The following ARPP21 variants were observed in gnomAD, a reference collection of about 807,000 sequenced individuals.
The protein encoded by ARPP21 is cAMP regulated phosphoprotein 21.
In ARPP21, 69 loss-of-function variants were observed where a neutral mutation model predicts 113.2. The observed-to-expected ratio is 0.61, with a 90% CI of 0.50 to 0.74. The LOEUF is 0.74. Among genes scored for constraint, ARPP21 ranks in the 30% least tolerant of loss-of-function variants. The pLI, the probability that ARPP21 is intolerant of heterozygous loss-of-function variation, is 0.00. For synonymous variants in ARPP21, 368 were observed against 375.5 expected, an observed-to-expected ratio of 0.98 and a Z score of 0.23; for missense variants, 1,070 against 1,037.4, an observed-to-expected ratio of 1.03 and a Z score of -0.43.
At chr3:35,717,409 A>T (rs766488930) in intron 13 of ARPP21, 52 bp downstream of exon 13, 3 of 1,084,494 alleles carry the variant, frequency 2.8e-6, no homozygotes, top group Middle Eastern at 2.0e-4. Context: ...TATGTGGTAG[A>T]ATCAATGTTA....
At chr3:35,699,143 G>T (rs1384225367) in intron 9 of ARPP21, among the ~76,000 whole-genome samples, 2 of 151,576 alleles carry the variant, frequency 1.3e-5, no homozygotes, top group Non-Finnish European at 3.0e-5. Flanking sequence ...GTCTGTGTGT[G>T]TAAATACATA....
At chr3:35,731,747 C>T (rs1376773016) in intron 15 of ARPP21, among the ~76,000 whole-genome samples, 1 of 152,002 alleles carries the variant, frequency 6.6e-6, no homozygotes, top group Non-Finnish European at 1.5e-5. Context: ...GGCTGGAACT[C>T]ATCTTTTTCT....
At chr3:35,666,155 C>T (rs1031000579) in intron 1 of ARPP21, among the ~76,000 whole-genome samples, 64 of 152,014 alleles carry the variant, frequency 4.2e-4, no homozygotes, top group Non-Finnish European at 2.4e-4. Context: ...CCGATGTTGT[C>T]ACTTATACAC....
intron 10 of ARPP21, 135 bp downstream of exon 10, chr3:35,707,217 A>G (rs528596182): frequency 1.6e-5 from 11 of 675,630 alleles, no homozygotes; most frequent in African/African-American, 9.1e-5. Context: ...CCTATCTCCA[A>G]CCTCCTTCTC....
intron 19 of ARPP21, among the ~76,000 whole-genome samples, chr3:35,760,934 G>A (rs1051125473): frequency 2.0e-5 from 3 of 152,050 alleles, no homozygotes; most frequent in East Asian, 1.9e-4. Flanking sequence ...CTCAGTTTTT[G>A]TGGGAAGAGT....
intron 19 of ARPP21, among the ~76,000 whole-genome samples, chr3:35,748,423 G>A (rs1051203105): frequency 1.2e-4 from 17 of 137,340 alleles, no homozygotes; most frequent in Non-Finnish European, 1.7e-4. Flanking sequence ...AGAAAGAAAA[G>A]AGAAAGAAAG....
At chr3:35,723,003 T>A (rs2093237502) in intron 14 of ARPP21, among the ~76,000 whole-genome samples, 1 of 152,200 alleles carries the variant, frequency 6.6e-6, no homozygotes, top group Non-Finnish European at 1.5e-5. Flanking sequence ...AAAATCAAAT[T>A]CCCTGACACT....
In ARPP21 at chr3:35,738,270, T is replaced by A. The variant is rs1253571771; in HGVS notation, c.1701T>A (p.Phe567Leu). 1 of 1,536,260 alleles carries A rather than the reference T, an allele frequency of 6.5e-7. No individual in the cohort carries two copies. The highest frequency in any genetic ancestry group is 2.4e-5 in the East Asian group (1 of 40,888). ...CAGTGCAATATCCAGCAGTCTCTTT[T>A]CCTCCCCAGCACCTCCTACCTGTGT... ...SQSVQYPAVS[F>L]PPQHLLPVSP... Residue 567 changes from phenylalanine to leucine, a missense_variant, in exon 17 of 21, where the codon TTT (phenylalanine) becomes TTA (leucine). Transcript: ENST00000684406.
intron 9 of ARPP21, among the ~76,000 whole-genome samples, chr3:35,695,165 A>T (rs1185194624): frequency 2.0e-5 from 3 of 151,474 alleles, no homozygotes; most frequent in Non-Finnish European, 3.0e-5. Context: ...TGCCACATCT[A>T]CAAGAGCATC....
At chr3:35,682,029 T>C in intron 3 of ARPP21, 149 bp downstream of exon 3, 7 of 973,108 alleles carry the variant, frequency 7.2e-6, no homozygotes, top group Non-Finnish European at 8.8e-6. Context: ...TCAATTTTTG[T>C]CACTTTTTGT....
intron 11 of ARPP21, among the ~76,000 whole-genome samples, chr3:35,712,217 G>T (rs994128129): frequency 6.6e-6 from 1 of 152,142 alleles, no homozygotes; most frequent in African/African-American, 2.4e-5. Flanking sequence ...AAAGAATCCA[G>T]CATAAGGAAA....
intron 19 of ARPP21, among the ~76,000 whole-genome samples, chr3:35,785,659 T>C (rs919055840): frequency 2.0e-5 from 3 of 152,172 alleles, no homozygotes; most frequent in African/African-American, 7.2e-5. Context: ...AAATGACCCA[T>C]GCATGAATGT....
rs138170646 is a variant in ARPP21 at position 35,729,930 on chromosome 3, T to C, written c.1459+394T>C. Among the ~76,000 whole-genome samples the C allele has an allele frequency of 3.6e-3, 551 of 152,330 alleles. 3 individuals carry two copies. Among genetic ancestry groups the C allele is most frequent in the African/African-American group, 0.012 (511 of 41,570 alleles). On this transcript the variant is annotated intron_variant, in intron 15 of 20. Coordinates refer to ENST00000684406, the MANE Select transcript of ARPP21 (RefSeq NM_001385562.1). ...CAGTTAGCTTGTATTATGTCAAAAGTGTTTTTGCATCCAAGGATCTTTCTG... is the reference window on the plus strand; with the variant it reads ...CAGTTAGCTTGTATTATGTCAAAAGCGTTTTTGCATCCAAGGATCTTTCTG...
intron 15 of ARPP21, among the ~76,000 whole-genome samples, chr3:35,731,411 G>A (rs1442242413): frequency 1.3e-5 from 2 of 152,136 alleles, no homozygotes; most frequent in Non-Finnish European, 2.9e-5. Context: ...TAATAACACT[G>A]TTGAACAGCT....
chr3:35,761,273 G>A (rs2095765178), intron 19 of ARPP21, among the ~76,000 whole-genome samples: 1 of 152,208 alleles, frequency 6.6e-6, no homozygotes, highest in Admixed American at 6.5e-5. Context: ...AGATGCATTT[G>A]GAGATGATTA....
rs544807937 is a variant in ARPP21 at position 35,662,225 on chromosome 3, A to C, written c.-212-17562A>C. Reference sequence around the variant, plus strand: ...AGTACCAATTGGCATACATGTGCGTACTGTATGTAGTTTTAATACTTTTAT... The same window carrying C: ...AGTACCAATTGGCATACATGTGCGTCCTGTATGTAGTTTTAATACTTTTAT... On this transcript the variant is annotated intron_variant, in intron 1 of 20. Transcript: ENST00000684406. Among the ~76,000 whole-genome samples the C allele has an allele frequency of 9.8e-5, 15 of 152,316 alleles. No individual in the cohort carries two copies. In the East Asian group the frequency reaches 2.7e-3, roughly 27 times the overall value.
intron 19 of ARPP21, among the ~76,000 whole-genome samples, chr3:35,768,937 T>C (rs2096088235): frequency 6.6e-6 from 1 of 152,182 alleles, no homozygotes; most frequent in Non-Finnish European, 1.5e-5. Flanking sequence ...AAAAGGCTAG[T>C]ATATAAGAAT....
chr3:35,750,592 T>C (rs2095366708), intron 19 of ARPP21, among the ~76,000 whole-genome samples: 3 of 152,106 alleles, frequency 2.0e-5, no homozygotes, highest in Admixed American at 2.0e-4. Context: ...GTTGGTTTAT[T>C]TTGTTGTTCA....
chr3:35,641,703 G>A (rs1055324915), intron 1 of ARPP21: 1 of 152,090 alleles, frequency 6.6e-6, no homozygotes, highest in African/African-American at 2.4e-5. Context: ...GGGTTTTCAA[G>A]GTATGTATTT....
Sources: allele counts gnomAD v4.1 joint callset (sites outside exome capture counted in the v4.1 genomes callset), GRCh38; gene constraint gnomAD v4.1.1; transcripts MANE v1.5; gene names NCBI Gene and HGNC (gene_info 2026-07-23, HGNC 2026-07-21).